DEPTOR: variants seen among roughly 807,000 people sequenced by gnomAD.
DEPTOR encodes the protein DEP domain-containing mTOR-interacting protein.
Under a neutral mutation model 41.6 loss-of-function variants are expected in DEPTOR, and 41 were observed. The observed-to-expected ratio is 0.98, with a 90% CI of 0.77 to 1.28. The LOEUF is 1.28. DEPTOR is among the 50% of genes most tolerant of loss of function. The pLI is 0.00. For missense variants in DEPTOR, 514 were observed against 527.9 expected (o/e 0.97, Z 0.26); for synonymous variants, 195 against 192.3 (o/e 1.01, Z -0.12).
At chr8:119,929,712 T>G in intron 2 of DEPTOR, 103 bp from the exon 3 acceptor site, 1 of 1,454,974 alleles carries the variant, frequency 6.9e-7, no homozygotes, top group Non-Finnish European at 9.3e-7. Flanking sequence ...GCATGAAGAA[T>G]GTGATAGTGA....
intron 8 of DEPTOR, among the ~76,000 whole-genome samples, chr8:120,040,479 G>A (rs1217045082): frequency 6.6e-6 from 1 of 152,110 alleles, no homozygotes; most frequent in African/African-American, 2.4e-5. Context: ...GGGAGGCTGA[G>A]GCAGAATGGT....
intron 4 of DEPTOR, among the ~76,000 whole-genome samples, chr8:119,991,100 CTTTCTTTCTTTCTTTCTTTT>C (rs777248443): frequency 0.15 from 11,360 of 77,494 alleles, 800 homozygotes; most frequent in Non-Finnish European, 0.17. Flanking sequence ...TTCTTTCTTT[CTTTCTTTCTTTCTTTCTTTT>C]TTTTTTAAAT....
At chr8:119,879,866 G>A (rs1171288507) in intron 1 of DEPTOR, among the ~76,000 whole-genome samples, 5 of 152,040 alleles carry the variant, frequency 3.3e-5, no homozygotes, top group South Asian at 2.1e-4. Context: ...AAAATTAGCC[G>A]GGCATGGTGG....
At chr8:119,972,949 T>C (rs192407839) in intron 4 of DEPTOR, among the ~76,000 whole-genome samples, 2 of 152,270 alleles carry the variant, frequency 1.3e-5, no homozygotes, top group Admixed American at 6.5e-5. Context: ...AATACCTTTT[T>C]TTTTTTTGAG....
chr8:119,981,817 C>A (rs1474048198), intron 4 of DEPTOR, among the ~76,000 whole-genome samples: 2 of 151,772 alleles, frequency 1.3e-5, no homozygotes, highest in Non-Finnish European at 2.9e-5. Flanking sequence ...GAGTTTGAGA[C>A]CAGCCTGGCC....
chr8:119,876,558 A>C (rs546885371), intron 1 of DEPTOR, among the ~76,000 whole-genome samples: 1 of 152,012 alleles, frequency 6.6e-6, no homozygotes, highest in African/African-American at 2.4e-5. Flanking sequence ...GGATTGCTTG[A>C]ACCTGGGAGG....
At chr8:119,950,106 G>A (rs545481464) in intron 3 of DEPTOR, among the ~76,000 whole-genome samples, 102 of 152,304 alleles carry the variant, frequency 6.7e-4, no homozygotes, top group Non-Finnish European at 1.2e-3. Flanking sequence ...CTATCTAACT[G>A]TCCCTGCACC....
intron 7 of DEPTOR, among the ~76,000 whole-genome samples, chr8:120,008,821 G>C (rs1225338361): frequency 6.6e-6 from 1 of 152,162 alleles, no homozygotes; most frequent in Non-Finnish European, 1.5e-5. Context: ...CTGCCAAACA[G>C]GTTAGATTTT....
chr8:119,900,338 GA>G (rs1229661685), intron 1 of DEPTOR, among the ~76,000 whole-genome samples: 4,085 of 69,722 alleles, frequency 0.059, 226 homozygotes, highest in African/African-American at 0.14. Context: ...AAAAAAAAAA[GA>G]AAAAAAAAAA....
intron 8 of DEPTOR, among the ~76,000 whole-genome samples, chr8:120,023,354 C>T (rs1812752182): frequency 6.6e-6 from 1 of 152,074 alleles, no homozygotes; most frequent in Non-Finnish European, 1.5e-5. Context: ...GATTCTCCTG[C>T]CTCAGCCTCC....
intron 1 of DEPTOR, among the ~76,000 whole-genome samples, chr8:119,879,373 A>G (rs971061027): frequency 2.0e-5 from 3 of 152,338 alleles, no homozygotes; most frequent in Non-Finnish European, 4.4e-5. Context: ...ACATGTCTAC[A>G]TAAAAACTTG....
chr8:120,013,816 A>AT (rs34083433), intron 8 of DEPTOR, among the ~76,000 whole-genome samples: 100,689 of 149,816 alleles, frequency 0.67, 34,455 homozygotes, highest in Middle Eastern at 0.77. Context: ...ATCCAGTGAG[A>AT]TTTTCACACT....
intron 3 of DEPTOR, among the ~76,000 whole-genome samples, chr8:119,957,441 A>G (rs145176237): frequency 1.3e-4 from 20 of 152,218 alleles, no homozygotes; most frequent in Admixed American, 5.2e-4. Context: ...AGAGAAAGTG[A>G]TATCTAAAAC....
At chr8:119,889,670 G>A (rs1827425965) in intron 1 of DEPTOR, among the ~76,000 whole-genome samples, 1 of 69,866 alleles carries the variant, frequency 1.4e-5, no homozygotes, top group African/African-American at 4.1e-5. Flanking sequence ...GGAGGGGAGG[G>A]GAGAGGAGGG....
At chr8:120,008,954 T>G in intron 7 of DEPTOR, 75 bp from the exon 8 acceptor site, 5 of 1,436,670 alleles carry the variant, frequency 3.5e-6, no homozygotes, top group Non-Finnish European at 4.9e-6. Context: ...CCTGGGCTGG[T>G]TTTCTCTCCC....
chr8:119,994,699 C>T (rs554061068), intron 4 of DEPTOR, among the ~76,000 whole-genome samples: 4 of 152,048 alleles, frequency 2.6e-5, no homozygotes, highest in South Asian at 2.1e-4. Context: ...GGGCAGATCA[C>T]GAGGTCAGGA....
rs560408014 is a variant in DEPTOR at position 119,996,355 on chromosome 8, A to T, written c.605-5170A>T. On this transcript the variant is annotated intron_variant, in intron 4 of 8. Transcript: ENST00000286234. The stretch of plus-strand genomic sequence containing the variant: ...GTGGTTGTAAAATAATAAATGTATA[A>T]TTTATTGAGTACTTACAATGTATTT... 2.6e-5 allele frequency among the ~76,000 whole-genome samples: 4 copies of T among 152,330 alleles called. No homozygotes were observed. In the South Asian group the frequency reaches 8.3e-4, roughly 32 times the overall value.
chr8:119,891,074 C>T (rs1017684329), intron 1 of DEPTOR: 13 of 151,994 alleles, frequency 8.6e-5, no homozygotes, highest in Admixed American at 5.9e-4. Context: ...GTCTATTCCT[C>T]CCATCCAAGT....
At chr8:119,918,825 C>A (rs1377739938) in intron 1 of DEPTOR, among the ~76,000 whole-genome samples, 1 of 151,984 alleles carries the variant, frequency 6.6e-6, no homozygotes, top group Non-Finnish European at 1.5e-5. Context: ...AACTCCCAAC[C>A]TCAGGTGATC....
Sources: allele counts gnomAD v4.1 joint callset (sites outside exome capture counted in the v4.1 genomes callset), GRCh38; gene constraint gnomAD v4.1.1; transcripts MANE v1.5; gene names NCBI Gene and HGNC (gene_info 2026-07-23, HGNC 2026-07-21).